DENND4C: variants seen among roughly 807,000 people sequenced by gnomAD.
DENND4C encodes the protein DENN domain-containing protein 4C.
In DENND4C, 108 loss-of-function variants were observed where a neutral mutation model predicts 203.0. The ratio of observed to expected loss-of-function variants is 0.53; its 90% CI spans 0.46 to 0.62. The LOEUF is 0.62. DENND4C is among the 20% of genes least tolerant of loss of function. DENND4C has a pLI of 0.00. For missense variants in DENND4C, 2,481 were observed against 2,301.2 expected, an observed-to-expected ratio of 1.08 and a Z score of -1.60; for synonymous variants, 871 against 792.4, an observed-to-expected ratio of 1.10 and a Z score of -1.67.
chr9:19,316,885 A>G (rs1487047152), intron 12 of DENND4C, 46 bp downstream of exon 12: 2 of 1,487,390 alleles, frequency 1.3e-6, no homozygotes, highest in Non-Finnish European at 9.1e-7. Flanking sequence ...GGTGAAAAAT[A>G]TTTTATATTT....
In DENND4C at chr9:19,296,791, T is replaced by A. The variant is rs192778923; in HGVS notation, c.1040+545T>A. The stretch of plus-strand genomic sequence containing the variant: ...ATTATATTGTGAGTGTTCTTCTTCC[T>A]ATTTATTCTCTAATAACCAAGAGAC... On this transcript the variant is annotated intron_variant, in intron 6 of 32. Coordinates refer to ENST00000434457, the MANE Select transcript of DENND4C (RefSeq NM_001330640.2). Among the ~76,000 whole-genome samples, 291 of 152,350 alleles carry A rather than the reference T, an allele frequency of 1.9e-3. 1 individual carries two copies. The highest frequency in any genetic ancestry group is 0.017 in the Middle Eastern group (5 of 294).
intron 14 of DENND4C, 31 bp from the exon 15 acceptor site, chr9:19,326,033 A>C (rs949999343): frequency 6.8e-6 from 11 of 1,607,080 alleles, no homozygotes; most frequent in Admixed American, 3.4e-5. Flanking sequence ...GTTTGTATGC[A>C]AATTAATTGG....
At chr9:19,285,155 G>A (rs1834934376) in intron 2 of DENND4C, among the ~76,000 whole-genome samples, 2 of 151,934 alleles carry the variant, frequency 1.3e-5, no homozygotes, top group African/African-American at 4.8e-5. Context: ...TCTTCCCTTA[G>A]TATATTGAGA....
intron 1 of DENND4C, among the ~76,000 whole-genome samples, chr9:19,235,844 C>T (rs554769940): frequency 5.3e-5 from 8 of 152,062 alleles, no homozygotes; most frequent in African/African-American, 1.7e-4. Context: ...GTGATCCGCC[C>T]GCCTTGGCCT....
intron 1 of DENND4C, among the ~76,000 whole-genome samples, chr9:19,268,127 T>C (rs570638012): frequency 7.9e-4 from 120 of 151,014 alleles, no homozygotes; most frequent in African/African-American, 2.8e-3. Context: ...CCGTACAGAG[T>C]CTTATTCTGT....
chr9:19,299,377 A>G lies in DENND4C; in HGVS notation c.1166+90A>G, dbSNP rs959161549. The G allele has an allele frequency of 1.1e-5, 9 of 799,904 alleles. No individual in the cohort carries two copies. In the African/African-American group the frequency reaches 1.7e-4, roughly 15 times the overall value. The allele number at this position is 799,904 out of a possible 1,614,324, so 49.6% of individuals were successfully genotyped here. A position where few individuals can be genotyped will look rare whatever the true frequency, so the allele number is the denominator to read the frequency against. On this transcript the variant is annotated intron_variant, in intron 8 of 32. Transcript: ENST00000434457. ...GTGATTAGTATATTATTAATATATT[A>G]GTGATTGTTATTTTACAATTAACTT...
chr9:19,298,022 AATT>A (rs771619150), intron 6 of DENND4C, 31 bp from the exon 7 acceptor site: 9 of 1,503,174 alleles, frequency 6.0e-6, no homozygotes, highest in Non-Finnish European at 8.2e-6. Flanking sequence ...TTAGAAAAGT[AATT>A]ATTATATTTA....
intron 22 of DENND4C, 151 bp from the exon 23 acceptor site, chr9:19,345,770 C>CT (rs1822747494): frequency 6.1e-5 from 45 of 736,696 alleles, no homozygotes; most frequent in South Asian, 7.5e-5. Context: ...TTCCAGTGCA[C>CT]TTTTTTTTAT....
intron 1 of DENND4C, among the ~76,000 whole-genome samples, chr9:19,273,202 C>T (rs1588806455): frequency 6.6e-6 from 1 of 151,742 alleles, no homozygotes; most frequent in Non-Finnish European, 1.5e-5. Flanking sequence ...CCACCTGCCT[C>T]GGCCTCCCAA....
Position 19,346,901 on chromosome 9 carries a change from C to G in DENND4C, c.4132C>G (p.Leu1378Val). 1.2e-6 allele frequency: 2 copies of G among 1,614,230 alleles called. No individual in the cohort carries two copies. The highest frequency in any genetic ancestry group is 2.7e-5 in the African/African-American group (2 of 75,062). The change falls in exon 23 of 33, where the codon CTG (leucine) becomes GTG (valine). Residue 1378 changes from leucine (L) to valine (V), a missense_variant. Leu to Val is a conservative substitution (Grantham distance 32). Around this residue, in one of 3 missense-constraint regions of DENND4C, gnomAD observed 2,289 missense variants for 2,113.3 expected, o/e 1.08. Transcript: ENST00000434457. ...HKERSTSLSA[L>V]VRSSPHGSLG... ...AGAACGTTCAACTTCTTTGTCAGCACTGGTGCGTTCTTCGCCACATGGCTC... is the reference window on the plus strand; with the variant it reads ...AGAACGTTCAACTTCTTTGTCAGCAGTGGTGCGTTCTTCGCCACATGGCTC...
At chr9:19,253,261 G>A (rs1314690425) in intron 1 of DENND4C, among the ~76,000 whole-genome samples, 4 of 152,198 alleles carry the variant, frequency 2.6e-5, no homozygotes, top group African/African-American at 9.7e-5. Context: ...GGCAACTATT[G>A]GATGGTTCCT....
intron 26 of DENND4C, among the ~76,000 whole-genome samples, chr9:19,354,916 G>GTT (rs11372435): frequency 2.1e-4 from 29 of 135,276 alleles, no homozygotes; most frequent in Admixed American, 1.1e-3. Context: ...TTGGCTGTTT[G>GTT]TTTTTTTTTT....
rs66823332 is a variant in DENND4C, at chr9:19,354,549, C to CTT, written c.4781+1904_4781+1905dup. On this transcript the variant is annotated intron_variant, in intron 26 of 32. Transcript: ENST00000434457. ...TCTCTTCATTACTTGTTATTCTAGC[C>CTT]TTTTTTTTTTTTTTTTTTTTTGGAG... Among the ~76,000 whole-genome samples the CTT allele has an allele frequency of 6.9e-3, 605 of 87,282 alleles. 13 individuals carry two copies. Among genetic ancestry groups the CTT allele is most frequent in the African/African-American group, 0.015 (320 of 21,606 alleles). The allele number at this position is 87,282 out of a possible 152,430, so 57.3% of individuals were successfully genotyped here.
chr9:19,325,861 A>T (rs1483182376), intron 13 of DENND4C, 78 bp from the exon 14 acceptor site: 1 of 1,429,516 alleles, frequency 7.0e-7, no homozygotes. Context: ...TTTTTTTCTA[A>T]ATCAGAATGT....
At chr9:19,353,717 G>C (rs1474888740) in intron 26 of DENND4C, among the ~76,000 whole-genome samples, 1 of 152,096 alleles carries the variant, frequency 6.6e-6, no homozygotes, top group Non-Finnish European at 1.5e-5. Context: ...CAGATCACTT[G>C]AGGTCAGGAG....
chr9:19,287,536 A>G (rs570363590), intron 3 of DENND4C, among the ~76,000 whole-genome samples: 34 of 151,990 alleles, frequency 2.2e-4, no homozygotes, highest in Non-Finnish European at 4.6e-4. Flanking sequence ...TAGTAGAGAC[A>G]GGGTTTCATC....
At chr9:19,247,130 G>A (rs1825483751) in intron 1 of DENND4C, among the ~76,000 whole-genome samples, 2 of 152,136 alleles carry the variant, frequency 1.3e-5, no homozygotes, top group Admixed American at 6.5e-5. Flanking sequence ...TTGGTTTTCT[G>A]GATGCCATAT....
At chr9:19,356,073 A>G (rs568173277) in intron 26 of DENND4C, among the ~76,000 whole-genome samples, 11 of 152,306 alleles carry the variant, frequency 7.2e-5, no homozygotes, top group African/African-American at 2.6e-4. Context: ...TTTCAAGCTT[A>G]CAACAAATTT....
chr9:19,238,786 C>T (rs1467474554), intron 1 of DENND4C, among the ~76,000 whole-genome samples: 5 of 147,324 alleles, frequency 3.4e-5, no homozygotes, highest in Admixed American at 6.9e-5. Flanking sequence ...CCTAAGTAGT[C>T]GGGATTACAG....
Sources: gnomAD v4.1 joint callset for allele counts (sites outside exome capture counted in the v4.1 genomes callset) on GRCh38, gnomAD v4.1.1 for gene constraint, gnomAD v4.1.1 regional missense constraint, MANE v1.5 for transcripts, NCBI Gene and HGNC (gene_info 2026-07-23, HGNC 2026-07-21) for gene names.